The following ZNF585A variants were observed in gnomAD, a reference collection of about 807,000 sequenced individuals.
ZNF585A encodes the protein zinc finger protein 585A.
A neutral mutation model predicts 14.9 loss-of-function variants in ZNF585A; 9 were observed. The ratio of observed to expected loss-of-function variants is 0.60; its 90% confidence interval spans 0.36 to 1.05. ZNF585A has a LOEUF of 1.05. Ranked by LOEUF, ZNF585A falls within the 50% of genes least tolerant of loss-of-function variation. The pLI, the probability that ZNF585A is intolerant of heterozygous loss-of-function variation, is 0.01. For synonymous variants in ZNF585A, 276 were observed against 319.9 expected (o/e 0.86, Z 1.46); for missense variants, 726 against 926.4 (o/e 0.78, Z 2.81).
rs949401363 is a variant in ZNF585A, at chr19:37,170,944, C to T, written c.-144-890G>A. 2.5e-4 allele frequency among the ~76,000 whole-genome samples: 38 copies of T among 152,092 alleles called. 1 individual carries two copies. The highest frequency in any genetic ancestry group is 1.0e-4 in the Non-Finnish European group (7 of 68,016). On this transcript the variant is annotated intron_variant, in intron 1 of 4. Transcript: ENST00000292841. ...ATCAGATATTAAAACAATATAAAAA[C>T]AATGTAATAAAAACAAGTAAAACAA... is the stretch of plus-strand genomic sequence containing the variant.
Position 37,166,701 on chromosome 19 carries a change from A to C in ZNF585A, c.72+3138T>G, listed in dbSNP as rs1312248261. On this transcript the variant is annotated intron_variant, in intron 2 of 4. Transcript: ENST00000292841. ...CACATTTTTTGATTGTCAACACATC[A>C]ACACAGCAACTTGTGTTTCTGTCAA... 2.8e-5 allele frequency among the ~76,000 whole-genome samples: 4 copies of C among 145,008 alleles called. No individual in the cohort carries two copies. The East Asian group carries it at 7.7e-4, about 28-fold the overall frequency.
chr19:37,169,785 G>C, intron 2 of ZNF585A, 54 bp downstream of exon 2: 1 of 1,599,116 alleles, frequency 6.3e-7, no homozygotes, highest in Non-Finnish European at 8.5e-7. Context: ...TGACAGACCA[G>C]AGATACCTAG....
In ZNF585A at chr19:37,152,769, G is replaced by C. The variant is rs1208266188; in HGVS notation, c.1130C>G (p.Thr377Ser). Residue 377 changes from threonine (T) to serine (S), a missense_variant, in exon 5 of 5, where the codon ACT (threonine) becomes AGT (serine). Physicochemically the swap from Thr to Ser is moderately conservative, Grantham distance 58. This residue lies in a region of ZNF585A where 483 missense variants were observed against 542.8 expected (regional missense o/e 0.89). Coordinates refer to ENST00000292841, the MANE Select transcript of ZNF585A (RefSeq NM_001288800.2). ...ACTGCATTCATAAGGTTTCTCTCCA[G>C]TGTGAATTCTCTGATGAATAATCAA... is the stretch of plus-strand genomic sequence containing the variant. ...SELIIHQRIH[T>S]GEKPYECSDC... 6.2e-7 allele frequency: 1 copy of C among 1,614,154 alleles called. No homozygotes were observed. The highest frequency in any genetic ancestry group is 8.5e-7 in the Non-Finnish European group (1 of 1,180,022).
chr19:37,164,971 C>T (rs923735240), intron 2 of ZNF585A, among the ~76,000 whole-genome samples: 1 of 152,050 alleles, frequency 6.6e-6, no homozygotes, highest in African/African-American at 2.4e-5. Flanking sequence ...CCACATATGG[C>T]CAAAAGTAAA....
intron 2 of ZNF585A, 80 bp downstream of exon 2, chr19:37,169,759 A>G: frequency 6.5e-7 from 1 of 1,547,832 alleles, no homozygotes. Flanking sequence ...TCCCTCCCTC[A>G]GTCATGAGGT....
intron 2 of ZNF585A, among the ~76,000 whole-genome samples, chr19:37,162,090 G>C (rs978600982): frequency 2.0e-5 from 3 of 152,048 alleles, no homozygotes; most frequent in Non-Finnish European, 4.4e-5. Flanking sequence ...TGCCTGGCTA[G>C]TTTTTCTATT....
At position 37,151,931 on chromosome 19, in the gene ZNF585A, A is replaced by T. The variant is rs1386976930; in HGVS notation, c.1968T>A (p.His656Gln). The stretch of plus-strand genomic sequence containing the variant: ...AACAAATGTAGGGCTTTTCTCCGGT[A>T]TGAGTTTTCTGGTGCTTACTGAGAT... ...RSNLSKHQKT[H>Q]TGEKPYICSE... Residue 656 changes from histidine (H) to glutamine (Q), a missense_variant, in exon 5 of 5, where the codon CAT (histidine) becomes CAA (glutamine). Transcript: ENST00000292841. 25 of 1,613,170 alleles carry T rather than the reference A, an allele frequency of 1.5e-5. No homozygotes were observed. Among genetic ancestry groups the T allele is most frequent in the Non-Finnish European group, 2.0e-5 (24 of 1,179,844 alleles).
chr19:37,154,794 TAAA>T (rs532561001), intron 4 of ZNF585A, among the ~76,000 whole-genome samples: 4 of 105,610 alleles, frequency 3.8e-5, no homozygotes, highest in Admixed American at 9.6e-5. Context: ...CATCTCACAG[TAAA>T]AAAAAAAAAA....
chr19:37,146,554 AC>A lies in ZNF585A; in HGVS notation c.*5034del, dbSNP rs1323176669. The A allele has an allele frequency of 2.6e-5, 4 of 152,280 alleles. No individual in the cohort carries two copies. The highest frequency in any genetic ancestry group is 9.7e-5 in the African/African-American group (4 of 41,440). 9.4% of individuals were successfully genotyped at this position (152,280 alleles called of 1,614,324 possible). On this transcript the variant is annotated 3_prime_UTR_variant, in exon 5 of 5. Transcript: ENST00000292841. ...CACACTGCATCACATCCATTATCCA[AC>A]AAGGTGCCTGAGCCCCAGAACCCTC...
At chr19:37,165,133 G>A (rs1001880825) in intron 2 of ZNF585A, among the ~76,000 whole-genome samples, 9 of 152,004 alleles carry the variant, frequency 5.9e-5, no homozygotes, top group South Asian at 2.1e-4. Flanking sequence ...AGGCTGAGGC[G>A]GGTGGATCAC....
chr19:37,145,713 C>T lies in ZNF585A; in HGVS notation c.*5876G>A, dbSNP rs1219688464. ...TTAAAATAACACCATAATAAAATCA[C>T]TAAGGATGTAACCTAATTGTGCTGA... On this transcript the variant is annotated 3_prime_UTR_variant, in exon 5 of 5. Coordinates refer to ENST00000292841, the MANE Select transcript of ZNF585A (RefSeq NM_001288800.2). 1.3e-5 allele frequency: 2 copies of T among 152,152 alleles called. No homozygotes were observed. The highest frequency in any genetic ancestry group is 2.9e-5 in the Non-Finnish European group (2 of 68,038). The allele number at this position is 152,152 out of a possible 1,614,324, so 9.4% of individuals were successfully genotyped here.
At position 37,150,881 on chromosome 19, in the gene ZNF585A, T is replaced by C. The variant is rs1036043637; in HGVS notation, c.*708A>G. 3 of 155,198 alleles carry C rather than the reference T, an allele frequency of 1.9e-5. No individual in the cohort carries two copies. Among genetic ancestry groups the C allele is most frequent in the African/African-American group, 7.2e-5 (3 of 41,486 alleles). The allele number at this position is 155,198 out of a possible 1,614,324, so 9.6% of individuals were successfully genotyped here. A position where few individuals can be genotyped will look rare whatever the true frequency, so the allele number is the denominator to read the frequency against. On this transcript the variant is annotated 3_prime_UTR_variant, in exon 5 of 5. Transcript: ENST00000292841. ...GATGGGAGTTCACAAGACACGGTGCTGGGGGTCAAAACACAAAGTGCTGAG... is the reference window on the plus strand; with the variant it reads ...GATGGGAGTTCACAAGACACGGTGCCGGGGGTCAAAACACAAAGTGCTGAG...
chr19:37,170,016 A>G lies in ZNF585A; in HGVS notation c.-106T>C. ...GAAGAGATGGGCTGGAGTCTAGAGG[A>G]AAATCTGGCCCAGGGGCTCCCCAGA... is the stretch of plus-strand genomic sequence containing the variant. On this transcript the variant is annotated 5_prime_UTR_variant, in exon 2 of 5. Coordinates refer to ENST00000292841, the MANE Select transcript of ZNF585A (RefSeq NM_001288800.2). 7.1e-7 allele frequency: 1 copy of G among 1,411,154 alleles called. No homozygotes were observed. The highest frequency in any genetic ancestry group is 9.6e-7 in the Non-Finnish European group (1 of 1,041,930). 87.4% of individuals were successfully genotyped at this position (1,411,154 alleles called of 1,614,324 possible). A position where few individuals can be genotyped will look rare whatever the true frequency, so the allele number is the denominator to read the frequency against.
rs1378521017 is a variant in ZNF585A at position 37,149,398 on chromosome 19, A to AT, written c.*2190dup. 1 of 152,230 alleles carries AT rather than the reference A, an allele frequency of 6.6e-6. No individual in the cohort carries two copies. The highest frequency in any genetic ancestry group is 1.5e-5 in the Non-Finnish European group (1 of 68,048). The allele number at this position is 152,230 out of a possible 1,614,324, so 9.4% of individuals were successfully genotyped here. A position where few individuals can be genotyped will look rare whatever the true frequency, so the allele number is the denominator to read the frequency against. On this transcript the variant is annotated 3_prime_UTR_variant, in exon 5 of 5. Coordinates refer to ENST00000292841, the MANE Select transcript of ZNF585A (RefSeq NM_001288800.2). ...ATTATAATATTGTTACAATAAATAT[A>AT]TAAGAGAAATAATCAAAAGTCATTT...
At position 37,150,295 on chromosome 19, in the gene ZNF585A, T is replaced by G. The variant is rs745994421; in HGVS notation, c.*1294A>C. On this transcript the variant is annotated 3_prime_UTR_variant, in exon 5 of 5. Coordinates refer to ENST00000292841, the MANE Select transcript of ZNF585A (RefSeq NM_001288800.2). ...ATACTGCTAGGTGAGTAACGGGAGA[T>G]AATTGTTCATCATCGTGAGGGAAAA... 6.6e-6 allele frequency: 1 copy of G among 152,094 alleles called. No individual in the cohort carries two copies. Among genetic ancestry groups the G allele is most frequent in the African/African-American group, 2.4e-5 (1 of 41,390 alleles). 9.4% of individuals were successfully genotyped at this position (152,094 alleles called of 1,614,324 possible).
chr19:37,162,830 A>G (rs577585171), intron 2 of ZNF585A, among the ~76,000 whole-genome samples: 1 of 152,266 alleles, frequency 6.6e-6, no homozygotes, highest in South Asian at 2.1e-4. Context: ...CCTTTTGGAA[A>G]GTGGAGGGTG....
At position 37,152,155 on chromosome 19, in the gene ZNF585A, C is replaced by T. The variant is rs367628883; in HGVS notation, c.1744G>A (p.Glu582Lys). 83 of 1,603,914 alleles carry T rather than the reference C, an allele frequency of 5.2e-5. No homozygotes were observed. The African/African-American group carries it at 8.9e-4, about 17-fold the overall frequency. ...TTGCGGATGAAAGCTCTTCCACACT[C>T]AGTGCATACATAGGGTTTCTCTCCT... ...HTGEKPYVCT[E>K]CGRAFIRKSN... The change falls in exon 5 of 5, where the codon GAG becomes AAG. Residue 582 changes from glutamate (E) to lysine (K), a missense_variant. By Grantham distance (56) the Glu-to-Lys change is moderately conservative. Around this residue, in one of 2 missense-constraint regions of ZNF585A, gnomAD observed 243 missense variants for 383.6 expected, o/e 0.63. Coordinates refer to ENST00000292841, the MANE Select transcript of ZNF585A (RefSeq NM_001288800.2).
At chr19:37,159,029 C>T (rs1284535127) in intron 2 of ZNF585A, among the ~76,000 whole-genome samples, 1 of 152,034 alleles carries the variant, frequency 6.6e-6, no homozygotes, top group Non-Finnish European at 1.5e-5. Context: ...AAGTGGATTG[C>T]TTGAGGTTGG....
Position 37,152,238 on chromosome 19 carries a change from T to C in ZNF585A, c.1661A>G (p.Glu554Gly), listed in dbSNP as rs1971844073. ...TTTCTGGTTGAAGGCTTTCCCACAT[T>C]CGTGGCATTCATACTGTCTCTCTCC... ...HTGERQYECH[E>G]CGKAFNQKSI... is the part of the protein sequence containing the mutation. Residue 554 changes from glutamate (E) to glycine (G), a missense_variant, in exon 5 of 5, where the codon GAA becomes GGA. Glu to Gly is a moderately conservative substitution (Grantham distance 98). Around this residue, in one of 2 missense-constraint regions of ZNF585A, gnomAD observed 243 missense variants for 383.6 expected, o/e 0.63. Transcript: ENST00000292841. The C allele has an allele frequency of 3.1e-6, 5 of 1,613,996 alleles. No individual in the cohort carries two copies. The highest frequency in any genetic ancestry group is 4.2e-6 in the Non-Finnish European group (5 of 1,180,026).
Sources: gnomAD v4.1 joint callset for allele counts (sites outside exome capture counted in the v4.1 genomes callset) on GRCh38, gnomAD v4.1.1 for gene constraint, gnomAD v4.1.1 regional missense constraint, MANE v1.5 for transcripts, NCBI Gene and HGNC (gene_info 2026-07-23, HGNC 2026-07-21) for gene names.